Variants in GSK3B observed in about 807,000 individuals in gnomAD.
The protein encoded by GSK3B is glycogen synthase kinase 3 beta.
In GSK3B, 15 loss-of-function variants were observed where a neutral mutation model predicts 56.4. That is an observed-to-expected ratio of 0.27 (90% confidence interval 0.18 to 0.41). The LOEUF is 0.41. GSK3B is among the 10% of genes least tolerant of loss of function. The pLI, the probability that GSK3B is intolerant of heterozygous loss-of-function variation, is 1.00. For synonymous variants in GSK3B, 181 were observed against 188.9 expected, an observed-to-expected ratio of 0.96 and a Z score of 0.34; for missense variants, 300 against 513.4, an observed-to-expected ratio of 0.58 and a Z score of 4.02.
At chr3:119,922,774 T>G (rs1005325468) in intron 4 of GSK3B, among the ~76,000 whole-genome samples, 1 of 152,124 alleles carries the variant, frequency 6.6e-6, no homozygotes, top group South Asian at 2.1e-4. Flanking sequence ...CACAATGCCA[T>G]AGTTAATAAA....
chr3:120,037,663 T>TA, intron 1 of GSK3B, among the ~76,000 whole-genome samples: 1 of 152,116 alleles, frequency 6.6e-6, no homozygotes, highest in South Asian at 2.1e-4. Context: ...TTTTTTTTTT[T>TA]ACCATCTTAC....
chr3:120,056,521 G>A (rs978881353), intron 1 of GSK3B, among the ~76,000 whole-genome samples: 20 of 152,138 alleles, frequency 1.3e-4, no homozygotes, highest in African/African-American at 3.4e-4. Flanking sequence ...TGTATTTTTC[G>A]TAGAGACGGG....
At chr3:119,852,649 A>G (rs2055952820) in intron 9 of GSK3B, among the ~76,000 whole-genome samples, 1 of 152,210 alleles carries the variant, frequency 6.6e-6, no homozygotes, top group Admixed American at 6.5e-5. Flanking sequence ...CACCCAGCCC[A>G]GAACTCTATT....
intron 7 of GSK3B, among the ~76,000 whole-genome samples, chr3:119,893,433 C>T (rs1337641356): frequency 1.3e-5 from 2 of 152,018 alleles, no homozygotes; most frequent in Non-Finnish European, 2.9e-5. Flanking sequence ...TCTTGGGGTG[C>T]AATATTTCTC....
intron 1 of GSK3B, among the ~76,000 whole-genome samples, chr3:120,089,600 A>G (rs917216550): frequency 2.0e-5 from 3 of 152,194 alleles, no homozygotes; most frequent in African/African-American, 7.2e-5. Context: ...TTTTGATCTA[A>G]AAAAGTTTTA....
intron 1 of GSK3B, among the ~76,000 whole-genome samples, chr3:120,020,094 C>A (rs1466170076): frequency 5.9e-5 from 9 of 152,160 alleles, no homozygotes; most frequent in Non-Finnish European, 1.2e-4. Flanking sequence ...TAAAATATTA[C>A]AATTTTAACT....
chr3:119,856,413 GT>G (rs1389049159), intron 9 of GSK3B, among the ~76,000 whole-genome samples: 2 of 152,174 alleles, frequency 1.3e-5, no homozygotes, highest in Non-Finnish European at 2.9e-5. Context: ...TTGATTGTTT[GT>G]TCCTACACCA....
intron 2 of GSK3B, among the ~76,000 whole-genome samples, chr3:119,969,276 A>T (rs1401395016): frequency 1.3e-5 from 2 of 151,588 alleles, no homozygotes; most frequent in Non-Finnish European, 2.9e-5. Flanking sequence ...TGGGTGACAA[A>T]GCAAGACTCC....
intron 1 of GSK3B, among the ~76,000 whole-genome samples, chr3:120,005,594 A>T (rs1576264756): frequency 6.6e-6 from 1 of 152,382 alleles, no homozygotes; most frequent in Non-Finnish European, 1.5e-5. Context: ...AAACTCTACA[A>T]GCCAGAAGAG....
At chr3:119,898,536 A>C (rs2056592907) in intron 7 of GSK3B, among the ~76,000 whole-genome samples, 1 of 152,170 alleles carries the variant, frequency 6.6e-6, no homozygotes, top group African/African-American at 2.4e-5. Context: ...TAAGTAATAA[A>C]CACAACTCAA....
intron 1 of GSK3B, among the ~76,000 whole-genome samples, chr3:120,078,637 C>T (rs2107573516): frequency 6.6e-6 from 1 of 150,810 alleles, no homozygotes; most frequent in African/African-American, 2.4e-5. Context: ...ACTACAACCT[C>T]TGCCTCTGGG....
chr3:120,057,391 A>G (rs2058200046), intron 1 of GSK3B, among the ~76,000 whole-genome samples: 1 of 152,198 alleles, frequency 6.6e-6, no homozygotes, highest in African/African-American at 2.4e-5. Context: ...ATACTCTTCA[A>G]CCAACCAACT....
At chr3:120,076,388 G>A (rs2058367191) in intron 1 of GSK3B, among the ~76,000 whole-genome samples, 1 of 152,044 alleles carries the variant, frequency 6.6e-6, no homozygotes, top group Admixed American at 6.6e-5. Flanking sequence ...GCACAGCAAA[G>A]GAAACAACAA....
chr3:119,841,041 G>A (rs1368640869), intron 10 of GSK3B, among the ~76,000 whole-genome samples: 1 of 152,112 alleles, frequency 6.6e-6, no homozygotes, highest in Non-Finnish European at 1.5e-5. Context: ...AGGTACTCAA[G>A]GCATGCATTT....
rs1332416340 is a variant in GSK3B at position 119,980,183 on chromosome 3, C to T, written c.282+21863G>A. Among the ~76,000 whole-genome samples the T allele has an allele frequency of 2.0e-5, 3 of 152,172 alleles. No homozygotes were observed. The South Asian group carries it at 6.2e-4, about 32-fold the overall frequency. ...GTTCACGTGACCTTAATCTTTAAAT[C>T]TTACTGGTACACTAAAGTTAGAAGT... On this transcript the variant is annotated intron_variant, in intron 2 of 10. Coordinates refer to ENST00000264235, the MANE Select transcript of GSK3B (RefSeq NM_001146156.2).
intron 1 of GSK3B, among the ~76,000 whole-genome samples, chr3:120,073,434 C>A (rs1421793798): frequency 6.6e-6 from 1 of 151,994 alleles, no homozygotes; most frequent in Non-Finnish European, 1.5e-5. Flanking sequence ...ACTGATTTTG[C>A]AATATGGATT....
At chr3:120,003,884 C>T (rs1325967484) in intron 1 of GSK3B, among the ~76,000 whole-genome samples, 3 of 152,254 alleles carry the variant, frequency 2.0e-5, no homozygotes, top group Non-Finnish European at 4.4e-5. Flanking sequence ...GTTCATCTCA[C>T]TGGGACTGGT....
intron 8 of GSK3B, among the ~76,000 whole-genome samples, chr3:119,865,309 A>G (rs920930813): frequency 2.0e-5 from 3 of 151,470 alleles, no homozygotes; most frequent in Admixed American, 6.6e-5. Context: ...AGTAGAAATA[A>G]ATATCTCCCA....
intron 2 of GSK3B, among the ~76,000 whole-genome samples, chr3:119,949,658 G>C (rs1347542160): frequency 6.6e-6 from 1 of 152,008 alleles, no homozygotes; most frequent in Non-Finnish European, 1.5e-5. Context: ...GAAGCTAATG[G>C]AGGTTTTGAC....
Sources: allele counts gnomAD v4.1 joint callset (sites outside exome capture counted in the v4.1 genomes callset), GRCh38; gene constraint gnomAD v4.1.1; transcripts MANE v1.5; gene names NCBI Gene and HGNC (gene_info 2026-07-23, HGNC 2026-07-21).